CDC42BPA: variants seen among roughly 807,000 people sequenced by gnomAD.
CDC42BPA encodes the protein serine/threonine-protein kinase MRCK alpha.
CDC42BPA carries 80 observed loss-of-function variants against 223.5 expected under a neutral mutation model. That is an observed-to-expected ratio of 0.36 (90% confidence interval 0.30 to 0.43). The LOEUF (loss-of-function observed/expected upper bound fraction) is 0.43, where lower values mean the gene tolerates loss of function less well. Ranked by LOEUF, CDC42BPA falls within the 20% of genes least tolerant of loss-of-function variation. The probability of loss-of-function intolerance (pLI) is 1.00; values close to 1 mark genes in which losing one functional copy is unlikely to be tolerated. For synonymous variants in CDC42BPA, 694 were observed against 718.6 expected (o/e 0.97, Z 0.55); for missense variants, 1,743 against 2,099.9 (o/e 0.83, Z 3.32).
chr1:227,041,970 T>A (rs1671468399), intron 23 of CDC42BPA, among the ~76,000 whole-genome samples: 1 of 152,228 alleles, frequency 6.6e-6, no homozygotes, highest in South Asian at 2.1e-4. Flanking sequence ...TCTATTAAAA[T>A]CATAAAATTT....
chr1:227,306,869 G>A (rs1027013919), intron 1 of CDC42BPA, among the ~76,000 whole-genome samples: 19 of 152,154 alleles, frequency 1.2e-4, no homozygotes, highest in Non-Finnish European at 2.5e-4. Flanking sequence ...AGATGCTTGA[G>A]TGCTTTTAAT....
rs913719527 is a variant in CDC42BPA, at chr1:227,048,825, C to T, written c.3010-815G>A. On this transcript the variant is annotated intron_variant, in intron 22 of 36. Transcript: ENST00000366766. ...GCCAAGCAAAAAAATAAAAGGAAAACGCTAGTCTTTGTATAAAGAACAGAA... is the reference window on the plus strand; with the variant it reads ...GCCAAGCAAAAAAATAAAAGGAAAATGCTAGTCTTTGTATAAAGAACAGAA... Among the ~76,000 whole-genome samples, 5 of 144,914 alleles carry T rather than the reference C, an allele frequency of 3.5e-5. No homozygotes were observed. The South Asian group carries it at 6.5e-4, about 19-fold the overall frequency.
At chr1:227,063,583 T>C (rs1385626814) in intron 21 of CDC42BPA, among the ~76,000 whole-genome samples, 1 of 151,956 alleles carries the variant, frequency 6.6e-6, no homozygotes, top group Non-Finnish European at 1.5e-5. Flanking sequence ...ATTGCCTAAG[T>C]TGAGGAAAAA....
At chr1:227,274,753 C>T (rs947306818) in intron 1 of CDC42BPA, among the ~76,000 whole-genome samples, 1 of 151,730 alleles carries the variant, frequency 6.6e-6, no homozygotes, top group Non-Finnish European at 1.5e-5. Flanking sequence ...AAATAATATC[C>T]AAATAAAGGT....
At chr1:227,226,340 T>A (rs1676861221) in intron 2 of CDC42BPA, among the ~76,000 whole-genome samples, 1 of 152,232 alleles carries the variant, frequency 6.6e-6, no homozygotes, top group Non-Finnish European at 1.5e-5. Context: ...TGATCTCTTT[T>A]AACAGAAAAT....
intron 1 of CDC42BPA, among the ~76,000 whole-genome samples, chr1:227,296,864 T>C (rs1455664999): frequency 6.7e-6 from 1 of 150,328 alleles, no homozygotes; most frequent in Non-Finnish European, 1.5e-5. Flanking sequence ...TGTATATCAT[T>C]AATGCACATT....
At chr1:227,206,236 C>T (rs1271709879) in intron 3 of CDC42BPA, among the ~76,000 whole-genome samples, 1 of 152,096 alleles carries the variant, frequency 6.6e-6, no homozygotes, top group Admixed American at 6.6e-5. Context: ...AGCAGTAGTT[C>T]ATTTGTTAAT....
chr1:227,316,062 A>G (rs1196488563), intron 1 of CDC42BPA, among the ~76,000 whole-genome samples: 1 of 152,210 alleles, frequency 6.6e-6, no homozygotes, highest in African/African-American at 2.4e-5. Flanking sequence ...GCATAAGAAC[A>G]AACTAAAATG....
intron 2 of CDC42BPA, among the ~76,000 whole-genome samples, chr1:227,214,845 C>T (rs1674550727): frequency 6.6e-6 from 1 of 151,930 alleles, no homozygotes; most frequent in South Asian, 2.1e-4. Context: ...GTAGTAGTAC[C>T]CACCCAATAC....
chr1:227,049,744 T>C (rs938950269), intron 22 of CDC42BPA, among the ~76,000 whole-genome samples: 1 of 152,054 alleles, frequency 6.6e-6, no homozygotes, highest in Non-Finnish European at 1.5e-5. Flanking sequence ...AACAGATCCA[T>C]GCATATAAAG....
intron 6 of CDC42BPA, among the ~76,000 whole-genome samples, chr1:227,158,605 A>C (rs905749102): frequency 3.9e-5 from 6 of 152,108 alleles, no homozygotes; most frequent in African/African-American, 1.4e-4. Context: ...AGACTTCCAA[A>C]CTCTATGGAT....
intron 16 of CDC42BPA, among the ~76,000 whole-genome samples, chr1:227,081,615 G>A (rs761526157): frequency 6.6e-6 from 1 of 151,786 alleles, no homozygotes; most frequent in Non-Finnish European, 1.5e-5. Context: ...ATCACGCCCG[G>A]CTAATTTTTT....
chr1:227,164,891 T>A (rs369857053), intron 5 of CDC42BPA, among the ~76,000 whole-genome samples: 184 of 152,316 alleles, frequency 1.2e-3, no homozygotes, highest in African/African-American at 3.9e-3. Context: ...GTATAAATAA[T>A]CTTATGTTAT....
chr1:227,301,921 C>A (rs1332410226), intron 1 of CDC42BPA, among the ~76,000 whole-genome samples: 1 of 151,984 alleles, frequency 6.6e-6, no homozygotes, highest in Non-Finnish European at 1.5e-5. Flanking sequence ...TTCCTAATTT[C>A]TATTTTTCTT....
At chr1:227,128,714 T>C (rs1656357045) in intron 11 of CDC42BPA, among the ~76,000 whole-genome samples, 1 of 152,172 alleles carries the variant, frequency 6.6e-6, no homozygotes, top group Non-Finnish European at 1.5e-5. Context: ...GCACTCTGCT[T>C]GTCTCTAGTG....
intron 14 of CDC42BPA, among the ~76,000 whole-genome samples, chr1:227,101,959 T>G (rs1685120679): frequency 6.6e-6 from 1 of 152,198 alleles, no homozygotes; most frequent in African/African-American, 2.4e-5. Context: ...ACATACAGAC[T>G]ACAGATTATG....
chr1:227,200,575 C>T (rs1011612388), intron 3 of CDC42BPA, among the ~76,000 whole-genome samples: 6 of 150,484 alleles, frequency 4.0e-5, no homozygotes, highest in Admixed American at 6.6e-5. Context: ...ACTGCTATGG[C>T]GTACCATTGT....
In CDC42BPA at chr1:227,112,401, G is replaced by C. The variant is rs1356652826; in HGVS notation, c.1912C>G (p.Leu638Val). 1.2e-6 allele frequency: 2 copies of C among 1,602,314 alleles called. No individual in the cohort carries two copies. The highest frequency in any genetic ancestry group is 1.1e-5 in the South Asian group (1 of 89,066). The change falls in exon 14 of 37, where the codon CTA (leucine) becomes GTA (valine). Residue 638 changes from leucine to valine, a missense_variant. Leu to Val is a conservative substitution (Grantham distance 32). Coordinates refer to ENST00000366766, the MANE Select transcript of CDC42BPA (RefSeq NM_001394014.1). ...CTGTCTTTAGATGCTTCAGCAGCTAGAGCTTCTGTATGAACTTCCAGCTTT... is the reference window on the plus strand; with the variant it reads ...CTGTCTTTAGATGCTTCAGCAGCTACAGCTTCTGTATGAACTTCCAGCTTT... ...KKELEVHTEALAAEASKDRKL... is the reference protein window; with the variant it reads ...KKELEVHTEAVAAEASKDRKL...
intron 5 of CDC42BPA, among the ~76,000 whole-genome samples, chr1:227,177,973 A>G (rs1667260164): frequency 6.6e-6 from 1 of 152,102 alleles, no homozygotes. Flanking sequence ...TTTCCGTCCT[A>G]AAATTTCCAT....
Sources: gnomAD v4.1 joint callset for allele counts (sites outside exome capture counted in the v4.1 genomes callset) on GRCh38, gnomAD v4.1.1 for gene constraint, MANE v1.5 for transcripts, NCBI Gene and HGNC (gene_info 2026-07-23, HGNC 2026-07-21) for gene names.